Variants in SPATA13 observed in about 807,000 individuals in gnomAD.
SPATA13 encodes spermatogenesis associated 13, also known as spermatogenesis-associated protein 13.
Under a neutral mutation model 104.0 loss-of-function variants are expected in SPATA13, and 50 were observed. That is an observed-to-expected ratio of 0.48 (90% confidence interval 0.38 to 0.61). The LOEUF is 0.61. Ranked by LOEUF, SPATA13 falls within the 20% of genes least tolerant of loss-of-function variation. The pLI, the probability that SPATA13 is intolerant of heterozygous loss-of-function variation, is 0.00. For synonymous variants in SPATA13, 606 were observed against 667.5 expected, an observed-to-expected ratio of 0.91 and a Z score of 1.42; for missense variants, 1,524 against 1,690.6, an observed-to-expected ratio of 0.90 and a Z score of 1.73.
At chr13:24,085,943 G>C (rs930623365) in intron 3 of SPATA13, among the ~76,000 whole-genome samples, 2 of 152,210 alleles carry the variant, frequency 1.3e-5, no homozygotes, top group Non-Finnish European at 2.9e-5. Context: ...AGCCAGAGAG[G>C]GTTTCCAGGG....
intron 3 of SPATA13, among the ~76,000 whole-genome samples, chr13:24,094,260 G>T: frequency 6.6e-6 from 1 of 152,206 alleles, no homozygotes. Context: ...CGAGAACATC[G>T]TGGCCTCACA....
At chr13:24,212,281 T>A (rs1172016396) in intron 1 of SPATA13, among the ~76,000 whole-genome samples, 2 of 116,704 alleles carry the variant, frequency 1.7e-5, no homozygotes, top group African/African-American at 6.6e-5. Context: ...GGTGACAGAG[T>A]GAGACCCTGT....
intron 4 of SPATA13, among the ~76,000 whole-genome samples, chr13:24,277,586 A>T (rs1875110049): frequency 6.6e-6 from 1 of 152,034 alleles, no homozygotes; most frequent in African/African-American, 2.4e-5. Context: ...AGTCAGAGAG[A>T]CCTGGGTTCC....
chr13:23,997,851 C>G (rs936253739), intron 2 of SPATA13, among the ~76,000 whole-genome samples: 8 of 152,108 alleles, frequency 5.3e-5, no homozygotes, highest in Non-Finnish European at 1.0e-4. Context: ...GGGATCCACC[C>G]TCATGAGCCA....
chr13:24,122,806 G>A (rs1881081180), intron 3 of SPATA13: 6 of 777,856 alleles, frequency 7.7e-6, no homozygotes, highest in Non-Finnish European at 1.4e-5. Context: ...GACTCTCGTT[G>A]TCATGTCAAA....
chr13:24,300,627 T>C (rs192649246), intron 12 of SPATA13, 152 bp downstream of exon 12: 7 of 684,584 alleles, frequency 1.0e-5, no homozygotes, highest in Middle Eastern at 2.4e-4. Flanking sequence ...AGGGGCCAGG[T>C]GAAGGTGGCC....
At chr13:24,168,220 T>C (rs935017598) in intron 1 of SPATA13, among the ~76,000 whole-genome samples, 1 of 152,200 alleles carries the variant, frequency 6.6e-6, no homozygotes, top group African/African-American at 2.4e-5. Flanking sequence ...AAGTGACCCA[T>C]AGCCGGTGCC....
At chr13:24,173,906 G>A (rs1883104839) in intron 1 of SPATA13, among the ~76,000 whole-genome samples, 1 of 152,160 alleles carries the variant, frequency 6.6e-6, no homozygotes, top group Admixed American at 6.5e-5. Context: ...ATTCATGAGT[G>A]ATACTGGTTT....
intron 3 of SPATA13, among the ~76,000 whole-genome samples, chr13:24,099,242 A>G (rs1380102715): frequency 6.6e-6 from 1 of 152,254 alleles, no homozygotes; most frequent in African/African-American, 2.4e-5. Flanking sequence ...CTGGTACAAC[A>G]AATGAGGATG....
At chr13:24,171,187 T>G (rs945981329) in intron 1 of SPATA13, among the ~76,000 whole-genome samples, 2 of 151,844 alleles carry the variant, frequency 1.3e-5, no homozygotes, top group African/African-American at 4.8e-5. Flanking sequence ...AGCTGGGTGG[T>G]TTTAGATCCC....
chr13:24,294,894 C>G, intron 10 of SPATA13, 26 bp downstream of exon 10: 1 of 1,588,396 alleles, frequency 6.3e-7, no homozygotes, highest in Non-Finnish European at 8.6e-7. Context: ...CCCACATGAT[C>G]CCATGCCACT....
intron 1 of SPATA13, among the ~76,000 whole-genome samples, chr13:24,172,464 T>G (rs1883013666): frequency 6.6e-6 from 1 of 152,212 alleles, no homozygotes; most frequent in East Asian, 1.9e-4. Context: ...CTTTTGTGTT[T>G]TTTTCTAAAA....
chr13:24,101,240 A>T (rs1274760342), intron 3 of SPATA13, among the ~76,000 whole-genome samples: 1 of 152,144 alleles, frequency 6.6e-6, no homozygotes, highest in Non-Finnish European at 1.5e-5. Context: ...AAACACATAT[A>T]ATTTTCAAAA....
chr13:24,100,093 T>C (rs972722064), intron 3 of SPATA13, among the ~76,000 whole-genome samples: 4 of 152,004 alleles, frequency 2.6e-5, no homozygotes, highest in Admixed American at 1.3e-4. Flanking sequence ...TATTATTCTT[T>C]TCCGTGGCTT....
chr13:24,082,907 G>T (rs115641322), intron 3 of SPATA13, among the ~76,000 whole-genome samples: 2 of 147,592 alleles, frequency 1.4e-5, no homozygotes, highest in East Asian at 2.0e-4. Context: ...CTTCTAAATC[G>T]TCTCAGTATG....
intron 4 of SPATA13, among the ~76,000 whole-genome samples, chr13:24,265,845 G>A (rs766714126): frequency 6.6e-6 from 1 of 152,180 alleles, no homozygotes; most frequent in Non-Finnish European, 1.5e-5. Context: ...TTCTGGATAT[G>A]TCTGTACCAT....
At chr13:23,992,458 G>A (rs1347736947) in intron 2 of SPATA13, among the ~76,000 whole-genome samples, 4 of 152,188 alleles carry the variant, frequency 2.6e-5, no homozygotes. Context: ...GTGTCTGATC[G>A]GTGGCAGGTG....
intron 1 of SPATA13, among the ~76,000 whole-genome samples, chr13:24,221,886 C>T (rs1871607246): frequency 6.7e-6 from 1 of 148,372 alleles, no homozygotes; most frequent in Non-Finnish European, 1.5e-5. Flanking sequence ...AATCTTGGCT[C>T]ACTGCAACTT....
At position 24,108,042 on chromosome 13, in the gene SPATA13, G is replaced by C. The variant is rs554998341; in HGVS notation, c.-112+90341G>C. ...GAGACCAAGATCAGGGCACTGGTAG[G>C]CTCGGTGTCTGGATAGGGCCTGATC... On this transcript the variant is annotated intron_variant, in intron 3 of 14. Transcript: ENST00000424834. 5.9e-5 allele frequency among the ~76,000 whole-genome samples: 9 copies of C among 152,174 alleles called. No individual in the cohort carries two copies. The South Asian group carries it at 6.2e-4, about 11-fold the overall frequency.
Sources: allele counts gnomAD v4.1 joint callset (sites outside exome capture counted in the v4.1 genomes callset), GRCh38; gene constraint gnomAD v4.1.1; transcripts MANE v1.5; gene names NCBI Gene and HGNC (gene_info 2026-07-23, HGNC 2026-07-21).